The following KCNK2 variants were observed in gnomAD, a reference collection of about 807,000 sequenced individuals.
KCNK2 encodes the protein potassium channel subfamily K member 2.
Under a neutral mutation model 40.5 loss-of-function variants are expected in KCNK2, and 21 were observed. That is an observed-to-expected ratio of 0.52 (90% CI 0.37 to 0.75). The LOEUF (loss-of-function observed/expected upper bound fraction) is 0.75. Ranked by LOEUF, KCNK2 falls within the 30% of genes least tolerant of loss-of-function variation. The probability of loss-of-function intolerance (pLI) is 0.00; values close to 1 mark genes in which losing one functional copy is unlikely to be tolerated. For missense variants in KCNK2, 399 were observed against 531.6 expected (o/e 0.75, Z 2.45); for synonymous variants, 191 against 202.2 (o/e 0.94, Z 0.47).
intron 6 of KCNK2, among the ~76,000 whole-genome samples, chr1:215,216,902 T>C (rs1665987121): frequency 6.6e-6 from 1 of 152,154 alleles, no homozygotes; most frequent in South Asian, 2.1e-4. Context: ...AAGATCAGAA[T>C]TGCTGGCAGT....
chr1:215,034,731 T>A (rs965843755), intron 1 of KCNK2, among the ~76,000 whole-genome samples: 1 of 152,168 alleles, frequency 6.6e-6, no homozygotes, highest in African/African-American at 2.4e-5. Flanking sequence ...GTATTTGAAC[T>A]CTCTGTTCTG....
At chr1:215,149,458 A>T (rs1662587947) in intron 3 of KCNK2, among the ~76,000 whole-genome samples, 1 of 152,150 alleles carries the variant, frequency 6.6e-6, no homozygotes, top group Admixed American at 6.5e-5. Context: ...GAGAAGAGAC[A>T]ATCTTCTATG....
chr1:215,075,346 T>C (rs1271356004), intron 1 of KCNK2, among the ~76,000 whole-genome samples: 1 of 152,206 alleles, frequency 6.6e-6, no homozygotes, highest in Non-Finnish European at 1.5e-5. Context: ...TTTTGTAAAG[T>C]TTTATGGTAA....
intron 5 of KCNK2, among the ~76,000 whole-genome samples, chr1:215,177,738 A>ATTTTTT (rs1232317385): frequency 1.5e-4 from 8 of 51,922 alleles, no homozygotes; most frequent in Non-Finnish European, 3.1e-4. Context: ...ATATATATAT[A>ATTTTTT]TATTTTTTTT....
chr1:215,122,892 C>T (rs1212212086), intron 2 of KCNK2, among the ~76,000 whole-genome samples: 1 of 151,678 alleles, frequency 6.6e-6, no homozygotes, highest in Admixed American at 6.6e-5. Flanking sequence ...CTACAGGCGC[C>T]CGCTACCACG....
intron 3 of KCNK2, among the ~76,000 whole-genome samples, chr1:215,126,361 T>C (rs1033894724): frequency 1.3e-5 from 2 of 152,122 alleles, no homozygotes; most frequent in African/African-American, 4.8e-5. Flanking sequence ...TGTGTGGCTG[T>C]GAAAATCTGG....
chr1:215,195,294 T>C (rs1664818205), intron 6 of KCNK2, among the ~76,000 whole-genome samples: 1 of 152,076 alleles, frequency 6.6e-6, no homozygotes, highest in South Asian at 2.1e-4. Context: ...CTGTGCCAAT[T>C]GCTGTCTCAG....
In KCNK2 at chr1:215,151,550, A is replaced by G. The variant is rs938171889; in HGVS notation, c.476-17649A>G. ...AAAAACATTTATAGATGATTTTTATATAAGTTCATGAAGTTCCACTAAAAA... is the reference window on the plus strand; with the variant it reads ...AAAAACATTTATAGATGATTTTTATGTAAGTTCATGAAGTTCCACTAAAAA... On this transcript the variant is annotated intron_variant, in intron 3 of 6. Transcript: ENST00000444842. Among the ~76,000 whole-genome samples the G allele has an allele frequency of 3.3e-5, 5 of 152,052 alleles. No homozygotes were observed. In the South Asian group the frequency reaches 6.2e-4, roughly 19 times the overall value.
At position 215,204,037 on chromosome 1, in the gene KCNK2, C is replaced by CAAAAAAAAAAAAA. The variant is rs71167813; in HGVS notation, c.963+8960_963+8972dup. ...TGGGCGATAGAGCGAGACTCCGTCTCAAAAAAAAAAAAAAAAAAAAAAAAA... is the reference window on the plus strand; with the variant it reads ...TGGGCGATAGAGCGAGACTCCGTCTCAAAAAAAAAAAAAAAAAAAAAAAAAAAAAAAAAAAAAA... On this transcript the variant is annotated intron_variant, in intron 6 of 6. Transcript: ENST00000444842. 4.1e-3 allele frequency among the ~76,000 whole-genome samples: 216 copies of CAAAAAAAAAAAAA among 53,182 alleles called. 18 individuals are homozygous for CAAAAAAAAAAAAA. The highest frequency in any genetic ancestry group is 0.023 in the African/African-American group (210 of 9,240). The allele number at this position is 53,182 out of a possible 152,430, so 34.9% of individuals were successfully genotyped here. A position where few individuals can be genotyped will look rare whatever the true frequency, so the allele number is the denominator to read the frequency against.
At chr1:215,206,057 C>G (rs1400627175) in intron 6 of KCNK2, among the ~76,000 whole-genome samples, 1 of 152,030 alleles carries the variant, frequency 6.6e-6, no homozygotes, top group East Asian at 1.9e-4. Flanking sequence ...ATAGAGCAAC[C>G]AGCCTTTTAA....
chr1:215,209,266 A>T, intron 6 of KCNK2, among the ~76,000 whole-genome samples: 1 of 113,322 alleles, frequency 8.8e-6, no homozygotes, highest in Non-Finnish European at 1.6e-5. Context: ...TATATATAAA[A>T]TATATAAATA....
intron 2 of KCNK2, among the ~76,000 whole-genome samples, chr1:215,093,103 G>A (rs1019960369): frequency 1.3e-5 from 2 of 151,850 alleles, no homozygotes; most frequent in Admixed American, 6.6e-5. Flanking sequence ...AAATCAAGAC[G>A]CTGGATAAAA....
At chr1:215,038,530 A>G (rs1429972682) in intron 1 of KCNK2, among the ~76,000 whole-genome samples, 2 of 152,022 alleles carry the variant, frequency 1.3e-5, no homozygotes, top group African/African-American at 4.8e-5. Context: ...CTGTCTAAGG[A>G]TTCACCTAAC....
At chr1:215,028,610 A>C (rs1283208858) in intron 1 of KCNK2, among the ~76,000 whole-genome samples, 1 of 149,834 alleles carries the variant, frequency 6.7e-6, no homozygotes, top group African/African-American at 2.5e-5. Flanking sequence ...CTTTAATAAC[A>C]GACATTTAAA....
intron 2 of KCNK2, among the ~76,000 whole-genome samples, chr1:215,100,424 A>T (rs116627578): frequency 1.9e-3 from 286 of 152,110 alleles, no homozygotes; most frequent in African/African-American, 6.7e-3. Context: ...AATTATGTTT[A>T]GTGGGCAGCA....
At chr1:215,050,229 T>C (rs1657934737) in intron 1 of KCNK2, among the ~76,000 whole-genome samples, 1 of 152,194 alleles carries the variant, frequency 6.6e-6, no homozygotes, top group African/African-American at 2.4e-5. Context: ...CATATCTAAG[T>C]ATCTCATTTT....
chr1:215,232,361 C>CT (rs923211298), intron 6 of KCNK2, among the ~76,000 whole-genome samples: 10 of 152,112 alleles, frequency 6.6e-5, no homozygotes, highest in South Asian at 2.1e-4. Flanking sequence ...ACTATAAGAC[C>CT]TTTTTTTGCA....
In KCNK2 at chr1:215,221,331, G is replaced by A. The variant is rs558690575; in HGVS notation, c.964-13497G>A. Among the ~76,000 whole-genome samples, 53 of 152,208 alleles carry A rather than the reference G, an allele frequency of 3.5e-4. 2 individuals are homozygous for A. In the South Asian group the frequency reaches 5.0e-3, roughly 14 times the overall value. On this transcript the variant is annotated intron_variant, in intron 6 of 6. Transcript: ENST00000444842. ...GGAGGTTGCAGTGAGCTGAGATCGCGCCACTACACTCCAGCCTGGGCAACA... is the reference window on the plus strand; with the variant it reads ...GGAGGTTGCAGTGAGCTGAGATCGCACCACTACACTCCAGCCTGGGCAACA...
chr1:215,093,279 TTTA>T (rs1659770939), intron 2 of KCNK2, among the ~76,000 whole-genome samples: 1 of 148,886 alleles, frequency 6.7e-6, no homozygotes, highest in Non-Finnish European at 1.5e-5. Flanking sequence ...CTCCAAAGGT[TTTA>T]TTATTTTCCT....
Sources: gnomAD v4.1 joint callset for allele counts (sites outside exome capture counted in the v4.1 genomes callset) on GRCh38, gnomAD v4.1.1 for gene constraint, MANE v1.5 for transcripts, NCBI Gene and HGNC (gene_info 2026-07-23, HGNC 2026-07-21) for gene names.